Variants in FCRL2 observed in about 807,000 individuals in gnomAD.
FCRL2 encodes the protein Fc receptor like 2, also known as Fc receptor-like protein 2.
In FCRL2, 48 loss-of-function variants were observed where a neutral mutation model predicts 59.8. The observed-to-expected ratio is 0.80, with a 90% CI of 0.64 to 1.02. The LOEUF is 1.02. FCRL2 is among the 50% of genes least tolerant of loss of function. The pLI is 0.00. For missense variants in FCRL2, 658 were observed against 597.3 expected, an observed-to-expected ratio of 1.10 and a Z score of -1.06; for synonymous variants, 251 against 229.5, an observed-to-expected ratio of 1.09 and a Z score of -0.85.
chr1:157,747,288 T>G (rs917261295), intron 10 of FCRL2, among the ~76,000 whole-genome samples: 1 of 152,160 alleles, frequency 6.6e-6, no homozygotes, highest in Non-Finnish European at 1.5e-5. Context: ...AATAGAAGCA[T>G]AGATAACAGA....
At chr1:157,766,126 A>G (rs796437143) in intron 7 of FCRL2, among the ~76,000 whole-genome samples, 16 of 152,320 alleles carry the variant, frequency 1.1e-4, no homozygotes, top group African/African-American at 3.8e-4. Flanking sequence ...TTTATAAAAA[A>G]GGTGGCTAAA....
At chr1:157,755,985 CAT>C (rs1648561799) in intron 7 of FCRL2, among the ~76,000 whole-genome samples, 1 of 152,112 alleles carries the variant, frequency 6.6e-6, no homozygotes, top group Non-Finnish European at 1.5e-5. Context: ...GTATTTGTAA[CAT>C]ATTTATTCAG....
rs1412228106 is a variant in FCRL2 at position 157,766,549 on chromosome 1, A to G, written c.1279+306T>C. 18 of 427,174 alleles carry G rather than the reference A, an allele frequency of 4.2e-5. No homozygotes were observed. The East Asian group carries it at 6.4e-4, about 15-fold the overall frequency. 26.5% of individuals were successfully genotyped at this position (427,174 alleles called of 1,614,324 possible). On this transcript the variant is annotated intron_variant, in intron 7 of 11. Coordinates refer to ENST00000361516, the MANE Select transcript of FCRL2 (RefSeq NM_030764.4). Reference sequence around the variant, plus strand: ...TTGCTCCGTTGTACATAAGCTAATTATATCTATTGAAAATTACTAAATGGC... The same window carrying G: ...TTGCTCCGTTGTACATAAGCTAATTGTATCTATTGAAAATTACTAAATGGC...
At chr1:157,760,739 G>GAAAGAAAGAAAGAAAGAAAT (rs1557860552) in intron 7 of FCRL2, among the ~76,000 whole-genome samples, 6 of 143,302 alleles carry the variant, frequency 4.2e-5, no homozygotes, top group African/African-American at 1.6e-4. Context: ...AAGAAAGAAA[G>GAAAGAAAGAAAGAAAGAAAT]AAAGAAAGAA....
chr1:157,758,009 G>A (rs1648735256), intron 7 of FCRL2, among the ~76,000 whole-genome samples: 1 of 152,160 alleles, frequency 6.6e-6, no homozygotes. Context: ...CCAATCTGTG[G>A]CATTTTGTTA....
chr1:157,766,856 T>C lies in FCRL2; in HGVS notation c.1278A>G (p.Ser426=). Residue 426 remains serine (S), a splice_region_variant and synonymous_variant, in exon 7 of 12, where the codon TCA becomes TCG. Transcript: ENST00000361516. ...LLLYALFHKI[S]GESSATNEPR... ...GAGAATCCAAATGGTAGATACAACC[T>C]GATATCTTGTGGAACAAGGCATACA... is the stretch of plus-strand genomic sequence containing the variant. 6.2e-7 allele frequency: 1 copy of C among 1,614,182 alleles called. No homozygotes were observed. Among genetic ancestry groups the C allele is most frequent in the African/African-American group, 1.3e-5 (1 of 75,054 alleles).
intron 7 of FCRL2, among the ~76,000 whole-genome samples, chr1:157,763,606 C>A (rs570165802): frequency 6.6e-6 from 1 of 152,130 alleles, no homozygotes; most frequent in African/African-American, 2.4e-5. Flanking sequence ...CTCTGTGTTA[C>A]CTGTAAGAAA....
chr1:157,766,945 T>C lies in FCRL2; in HGVS notation c.1189A>G (p.Met397Val), dbSNP rs952990731. The C allele has an allele frequency of 1.9e-6, 3 of 1,614,140 alleles. No homozygotes were observed. In the East Asian group the frequency reaches 6.7e-5, roughly 36 times the overall value. The change falls in exon 7 of 12, where the codon ATG (methionine) becomes GTG (valine). Residue 397 changes from methionine (M) to valine (V), a missense_variant. Physicochemically the swap from Met to Val is conservative, Grantham distance 21. Transcript: ENST00000361516. ...SGPDGYRRDL[M>V]TAGVLWGLFG... is the part of the protein sequence containing the mutation. ...AGTCCCCAGAGAACTCCAGCTGTCA[T>C]GAGGTCTCTTCTATAGCCATCAGGT...
At chr1:157,758,075 A>C (rs1648738902) in intron 7 of FCRL2, among the ~76,000 whole-genome samples, 1 of 152,256 alleles carries the variant, frequency 6.6e-6, no homozygotes, top group Non-Finnish European at 1.5e-5. Context: ...GGGAAAGAAC[A>C]ACTATTGTCT....
intron 7 of FCRL2, among the ~76,000 whole-genome samples, chr1:157,751,306 G>A (rs573273268): frequency 6.6e-6 from 1 of 152,174 alleles, no homozygotes; most frequent in South Asian, 2.1e-4. Context: ...ACATTTCTGG[G>A]TTGTAAAACT....
chr1:157,762,921 C>T (rs1029514549), intron 7 of FCRL2, among the ~76,000 whole-genome samples: 1 of 152,196 alleles, frequency 6.6e-6, no homozygotes, highest in Non-Finnish European at 1.5e-5. Flanking sequence ...ACTAGCCCAG[C>T]CCTGTAAGAA....
chr1:157,769,244 T>G (rs74119570), intron 4 of FCRL2: 2,608 of 155,654 alleles, frequency 0.017, 64 homozygotes, highest in African/African-American at 0.058. Flanking sequence ...AGACAGCAGG[T>G]GGTTTGCCTT....
intron 4 of FCRL2, chr1:157,769,628 CG>C: frequency 2.7e-6 from 1 of 369,056 alleles, no homozygotes; most frequent in East Asian, 5.1e-5. Context: ...GGGGTTTCAC[CG>C]TGTTAGCCAG....
chr1:157,775,631 C>T (rs540863278), intron 2 of FCRL2, 144 bp downstream of exon 2: 50 of 752,664 alleles, frequency 6.6e-5, no homozygotes, highest in South Asian at 2.6e-4. Flanking sequence ...AAACAGGCTG[C>T]GTGACCTCAG....
At chr1:157,771,638 CT>C (rs960338372) in intron 2 of FCRL2, among the ~76,000 whole-genome samples, 1 of 152,134 alleles carries the variant, frequency 6.6e-6, no homozygotes, top group Non-Finnish European at 1.5e-5. Flanking sequence ...GGTTGTTTTC[CT>C]TAGATTGGTC....
rs768211940 is a variant in FCRL2 at position 157,767,464 on chromosome 1, T to A, written c.929A>T (p.Gln310Leu). 7.4e-6 allele frequency: 12 copies of A among 1,614,174 alleles called. No individual in the cohort carries two copies. The highest frequency in any genetic ancestry group is 1.0e-5 in the Non-Finnish European group (12 of 1,180,018). The change falls in exon 6 of 12, where the codon CAG (glutamine) becomes CTG (leucine). Residue 310 changes from glutamine (Q) to leucine (L), a missense_variant. Gln to Leu is a moderately radical substitution (Grantham distance 113). Coordinates refer to ENST00000361516, the MANE Select transcript of FCRL2 (RefSeq NM_030764.4). ...PVLTLRSPGA[Q>L]AAVGDLLELH... ...CTCCAGCAGGTCCCCCACTGCAGCC[T>A]GGGCCCCAGGAGACCTGAGGGTGAG...
chr1:157,771,646 G>C (rs1210307745), intron 2 of FCRL2, among the ~76,000 whole-genome samples: 1 of 152,114 alleles, frequency 6.6e-6, no homozygotes, highest in African/African-American at 2.4e-5. Context: ...TCCTTAGATT[G>C]GTCACAGGTT....
chr1:157,757,031 G>T (rs74119540), intron 7 of FCRL2, among the ~76,000 whole-genome samples: 3 of 152,136 alleles, frequency 2.0e-5, no homozygotes, highest in Non-Finnish European at 2.9e-5. Flanking sequence ...TTCCCAATTT[G>T]TTCCTATCTT....
At chr1:157,748,826 C>G in intron 9 of FCRL2, 49 bp downstream of exon 9, 4 of 1,574,740 alleles carry the variant, frequency 2.5e-6, no homozygotes. Flanking sequence ...CCTGTCTCCT[C>G]TTTCTTTTCT....
Sources: gnomAD v4.1 joint callset for allele counts (sites outside exome capture counted in the v4.1 genomes callset) on GRCh38, gnomAD v4.1.1 for gene constraint, MANE v1.5 for transcripts, NCBI Gene and HGNC (gene_info 2026-07-23, HGNC 2026-07-21) for gene names.